FMN1: variants seen among roughly 807,000 people sequenced by gnomAD.
The protein encoded by FMN1 is formin-1.
Under a neutral mutation model 132.4 loss-of-function variants are expected in FMN1, and 110 were observed. The observed-to-expected ratio is 0.83, with a 90% CI of 0.71 to 0.97. The LOEUF (loss-of-function observed/expected upper bound fraction) is 0.97. Among genes scored for constraint, FMN1 ranks in the 50% least tolerant of loss-of-function variants. FMN1 has a pLI of 0.00. For synonymous variants in FMN1, 722 were observed against 651.7 expected, an observed-to-expected ratio of 1.11 and a Z score of -1.64; for missense variants, 1,792 against 1,705.3, an observed-to-expected ratio of 1.05 and a Z score of -0.90.
chr15:32,872,002 C>T (rs1229765265), intron 16 of FMN1, among the ~76,000 whole-genome samples: 5 of 150,490 alleles, frequency 3.3e-5, no homozygotes, highest in African/African-American at 1.2e-4. Context: ...TTAATCACAG[C>T]ATAAAACTAG....
chr15:32,957,244 C>T (rs2061790007), intron 9 of FMN1, among the ~76,000 whole-genome samples: 1 of 144,826 alleles, frequency 6.9e-6, no homozygotes, highest in Admixed American at 7.0e-5. Context: ...TGCTGATTTT[C>T]AGAATGTCGT....
intron 6 of FMN1, among the ~76,000 whole-genome samples, chr15:33,017,928 G>T (rs71462838): frequency 2.6e-5 from 4 of 152,094 alleles, no homozygotes; most frequent in Non-Finnish European, 5.9e-5. Flanking sequence ...TGCTGGGTGT[G>T]GTGGCTCGCA....
intron 6 of FMN1, among the ~76,000 whole-genome samples, chr15:33,050,413 A>G (rs973955476): frequency 3.9e-5 from 6 of 152,250 alleles, no homozygotes; most frequent in African/African-American, 1.2e-4. Flanking sequence ...TAATACATAG[A>G]AAGCTTCTTC....
At chr15:32,897,947 C>T (rs140431750) in intron 15 of FMN1, among the ~76,000 whole-genome samples, 307 of 152,262 alleles carry the variant, frequency 2.0e-3, no homozygotes, top group Non-Finnish European at 2.3e-3. Flanking sequence ...TCAAAAACTA[C>T]GATATTCTTA....
chr15:33,021,681 A>C (rs1596489504), intron 6 of FMN1, among the ~76,000 whole-genome samples: 1 of 152,142 alleles, frequency 6.6e-6, no homozygotes, highest in South Asian at 2.1e-4. Flanking sequence ...TTTGATGGAC[A>C]CCTTACCATG....
At chr15:32,994,166 A>G (rs552459675) in intron 7 of FMN1, among the ~76,000 whole-genome samples, 3 of 152,012 alleles carry the variant, frequency 2.0e-5, no homozygotes, top group East Asian at 3.9e-4. Flanking sequence ...AGAGTTGAAT[A>G]TATCCGAGTA....
chr15:32,887,718 G>A (rs1244746161), intron 16 of FMN1, among the ~76,000 whole-genome samples: 2 of 152,158 alleles, frequency 1.3e-5, no homozygotes. Context: ...GTTCTAATTA[G>A]ACAGACTTGA....
chr15:33,044,640 T>A (rs943015324), intron 6 of FMN1, among the ~76,000 whole-genome samples: 2 of 152,042 alleles, frequency 1.3e-5, no homozygotes, highest in Admixed American at 1.3e-4. Context: ...GATGAGAGGA[T>A]GACCAGCTGC....
chr15:33,051,656 C>G (rs2036979317), intron 6 of FMN1, among the ~76,000 whole-genome samples: 1 of 152,254 alleles, frequency 6.6e-6, no homozygotes, highest in Non-Finnish European at 1.5e-5. Context: ...GAGTTTTTAG[C>G]TGGTATATGA....
chr15:32,982,465 T>C (rs1484277020), intron 7 of FMN1, among the ~76,000 whole-genome samples: 1 of 152,230 alleles, frequency 6.6e-6, no homozygotes, highest in African/African-American at 2.4e-5. Context: ...ATCCATATAC[T>C]AATGTTTTTG....
intron 5 of FMN1, chr15:33,067,897 C>A: frequency 6.3e-7 from 1 of 1,592,876 alleles, no homozygotes. Flanking sequence ...CTCAGTAATG[C>A]CCTTGGTGGA....
intron 4 of FMN1, among the ~76,000 whole-genome samples, chr15:33,123,520 T>C (rs1490341752): frequency 6.6e-6 from 1 of 152,140 alleles, no homozygotes; most frequent in Non-Finnish European, 1.5e-5. Flanking sequence ...CCTCAAAAGA[T>C]AAATACAAGG....
At chr15:33,108,213 C>G (rs2039558692) in intron 4 of FMN1, among the ~76,000 whole-genome samples, 1 of 152,016 alleles carries the variant, frequency 6.6e-6, no homozygotes, top group Admixed American at 6.6e-5. Context: ...GCAGTTCTTA[C>G]TGGCATCTTC....
intron 17 of FMN1, among the ~76,000 whole-genome samples, chr15:32,831,588 T>C (rs116115449): frequency 1.3e-5 from 2 of 152,176 alleles, no homozygotes; most frequent in South Asian, 4.1e-4. Context: ...TGGTATTGCA[T>C]AGGTCCAGGG....
At chr15:32,830,161 TAAA>T (rs369977305) in intron 17 of FMN1, among the ~76,000 whole-genome samples, 23 of 139,812 alleles carry the variant, frequency 1.6e-4, no homozygotes, top group African/African-American at 5.8e-4. Flanking sequence ...AAAAATAAAG[TAAA>T]AAAAAAAAAG....
intron 17 of FMN1, among the ~76,000 whole-genome samples, chr15:32,808,994 C>G (rs893427362): frequency 1.3e-5 from 2 of 151,778 alleles, no homozygotes; most frequent in African/African-American, 4.8e-5. Context: ...TATGTCTGAC[C>G]TAAAGTCATT....
At chr15:32,973,252 T>TCCACTATTGGCTTTTGTCCCTTCC (rs1402327367) in intron 7 of FMN1, among the ~76,000 whole-genome samples, 3 of 152,182 alleles carry the variant, frequency 2.0e-5, no homozygotes, top group Non-Finnish European at 4.4e-5. Flanking sequence ...GACCAACTTC[T>TCCACTATTGGCTTTTGTCCCTTCC]CCACTATTGG....
Position 32,798,938 on chromosome 15 carries a change from T to TTTG in FMN1, c.3995_3996insCAA (p.Val1332_Arg1333insLys), listed in dbSNP as rs2057384659. 6.2e-7 allele frequency: 1 copy of TTTG among 1,613,146 alleles called. No individual in the cohort carries two copies. Among genetic ancestry groups the TTTG allele is most frequent in the African/African-American group, 1.3e-5 (1 of 74,850 alleles). ...ACTTTGGCTTCATCCCAAAATATCG[T>TTTG]ACTGTTGTTTCAAAACTGCAACAGG... On this transcript the variant is annotated inframe_insertion, in exon 19 of 21. Transcript: ENST00000616417.
At chr15:33,000,007 G>T (rs1238900892) in intron 7 of FMN1, among the ~76,000 whole-genome samples, 1 of 152,178 alleles carries the variant, frequency 6.6e-6, no homozygotes, top group African/African-American at 2.4e-5. Context: ...TTCACAGAGT[G>T]ACACATCTGA....
Sources: allele counts gnomAD v4.1 joint callset (sites outside exome capture counted in the v4.1 genomes callset), GRCh38; gene constraint gnomAD v4.1.1; transcripts MANE v1.5; gene names NCBI Gene and HGNC (gene_info 2026-07-23, HGNC 2026-07-21).